Variants in CCDC148 observed in about 807,000 individuals in gnomAD.
The protein encoded by CCDC148 is coiled-coil domain-containing protein 148.
Under a neutral mutation model 85.7 loss-of-function variants are expected in CCDC148, and 89 were observed. That is an observed-to-expected ratio of 1.04 (90% CI 0.87 to 1.24). The LOEUF (loss-of-function observed/expected upper bound fraction) is 1.24. Ranked by LOEUF, CCDC148 falls within the 50% of genes most tolerant of loss-of-function variation. The pLI, the probability that CCDC148 is intolerant of heterozygous loss-of-function variation, is 0.00. For synonymous variants in CCDC148, 230 were observed against 213.9 expected, an observed-to-expected ratio of 1.08 and a Z score of -0.66; for missense variants, 692 against 671.7, an observed-to-expected ratio of 1.03 and a Z score of -0.33.
chr2:158,213,491 T>G (rs1459233586), intron 11 of CCDC148, among the ~76,000 whole-genome samples: 1 of 152,224 alleles, frequency 6.6e-6, no homozygotes, highest in Non-Finnish European at 1.5e-5. Flanking sequence ...GGAATAAGAT[T>G]GTTAACTACA....
intron 10 of CCDC148, among the ~76,000 whole-genome samples, chr2:158,245,943 T>G (rs1688553300): frequency 6.6e-6 from 1 of 152,160 alleles, no homozygotes; most frequent in African/African-American, 2.4e-5. Flanking sequence ...ACTGTAACTA[T>G]TATATTCAAC....
chr2:158,312,578 C>CAAAAAAAAAAAAAAA (rs61545122), intron 8 of CCDC148, among the ~76,000 whole-genome samples: 1 of 76,118 alleles, frequency 1.3e-5, no homozygotes, highest in Non-Finnish European at 2.3e-5. Context: ...GAATCCATCT[C>CAAAAAAAAAAAAAAA]AAAAAAAAAA....
At chr2:158,225,098 G>T (rs1423864202) in intron 10 of CCDC148, among the ~76,000 whole-genome samples, 2 of 152,164 alleles carry the variant, frequency 1.3e-5, no homozygotes, top group Non-Finnish European at 1.5e-5. Context: ...AAAATAAAGG[G>T]ATGGAGGAAG....
intron 1 of CCDC148, among the ~76,000 whole-genome samples, chr2:158,443,166 CA>C (rs1269270051): frequency 6.9e-6 from 1 of 145,170 alleles, no homozygotes; most frequent in East Asian, 2.0e-4. Flanking sequence ...ATATCTTGAA[CA>C]AAAAAAAACA....
intron 9 of CCDC148, among the ~76,000 whole-genome samples, chr2:158,282,080 C>A (rs528760981): frequency 1.3e-5 from 2 of 151,418 alleles, no homozygotes; most frequent in African/African-American, 4.8e-5. Context: ...TTCAACAACG[C>A]TTCATGCTAA....
intron 10 of CCDC148, chr2:158,235,923 C>A (rs902068951): frequency 3.9e-5 from 6 of 152,238 alleles, no homozygotes; most frequent in African/African-American, 1.2e-4. Flanking sequence ...CAAGGAGCTG[C>A]AGAAACAACT....
chr2:158,233,469 A>G (rs893851688), intron 10 of CCDC148, among the ~76,000 whole-genome samples: 1 of 151,276 alleles, frequency 6.6e-6, no homozygotes, highest in Non-Finnish European at 1.5e-5. Flanking sequence ...AGCATGCCTT[A>G]TACTATCATG....
In CCDC148 at chr2:158,318,715, A is replaced by G. The variant is rs151228323; in HGVS notation, c.765-4821T>C. Among the ~76,000 whole-genome samples the G allele has an allele frequency of 4.6e-3, 698 of 152,134 alleles. 1 individual carries two copies. Among genetic ancestry groups the G allele is most frequent in the African/African-American group, 0.015 (636 of 41,500 alleles). ...CTCTTTGTCTCTGAAACATCCATCC[A>G]GCAGTAGTTTTCTAGTGGAAGTTTT... On this transcript the variant is annotated intron_variant, in intron 7 of 13. Transcript: ENST00000283233.
At chr2:158,314,631 G>A (rs1019370026) in intron 7 of CCDC148, among the ~76,000 whole-genome samples, 9 of 152,190 alleles carry the variant, frequency 5.9e-5, no homozygotes, top group African/African-American at 2.2e-4. Flanking sequence ...CTTGTGCAGA[G>A]TGAAAAGTTT....
intron 10 of CCDC148, among the ~76,000 whole-genome samples, chr2:158,238,635 A>C (rs989403430): frequency 6.6e-6 from 1 of 152,186 alleles, no homozygotes; most frequent in African/African-American, 2.4e-5. Flanking sequence ...AGAGGGAAGA[A>C]TCTTGAAAGA....
chr2:158,340,307 G>C lies in CCDC148; in HGVS notation c.421C>G (p.Gln141Glu). 6.2e-7 allele frequency: 1 copy of C among 1,613,864 alleles called. No individual in the cohort carries two copies. Among genetic ancestry groups the C allele is most frequent in the South Asian group, 1.1e-5 (1 of 91,066 alleles). The change falls in exon 5 of 14, where the codon CAG (glutamine) becomes GAG (glutamate). Residue 141 changes from glutamine to glutamate, a missense_variant. Transcript: ENST00000283233. ...TGTGAATGCTGCAAAGTGTGATGCT[G>C]TCTGTATTTTAGATCTGCTCTCAGC... ...QQLRADLKYR[Q>E]HHTLQHSHPH...
chr2:158,374,415 A>G (rs922815002), intron 1 of CCDC148, among the ~76,000 whole-genome samples: 2 of 152,056 alleles, frequency 1.3e-5, no homozygotes, highest in African/African-American at 4.8e-5. Flanking sequence ...TACCTCCAAC[A>G]TATATTATTG....
intron 9 of CCDC148, among the ~76,000 whole-genome samples, chr2:158,263,265 T>G (rs930658405): frequency 6.6e-6 from 1 of 152,086 alleles, no homozygotes; most frequent in African/African-American, 2.4e-5. Flanking sequence ...GGCTTATGTA[T>G]GTGTATAATT....
At position 158,172,091 on chromosome 2, in the gene CCDC148, A is replaced by G. The variant is rs2105253837; in HGVS notation, c.*22T>C. On this transcript the variant is annotated 3_prime_UTR_variant, in exon 14 of 14. Transcript: ENST00000283233. ...GTTTTCAAAGAAAAATGCTCTTTACATATAGAATTTGAGGATGAGCTCTAT... is the reference window on the plus strand; with the variant it reads ...GTTTTCAAAGAAAAATGCTCTTTACGTATAGAATTTGAGGATGAGCTCTAT... 6.5e-7 allele frequency: 1 copy of G among 1,543,678 alleles called. No individual in the cohort carries two copies.
intron 1 of CCDC148, among the ~76,000 whole-genome samples, chr2:158,369,500 T>C (rs963674513): frequency 4.6e-5 from 7 of 152,100 alleles, no homozygotes; most frequent in Admixed American, 4.6e-4. Context: ...TAGGAATGCT[T>C]GTAATTTTGC....
At chr2:158,233,418 C>G (rs75969436) in intron 10 of CCDC148, among the ~76,000 whole-genome samples, 2,848 of 151,546 alleles carry the variant, frequency 0.019, 35 homozygotes, top group East Asian at 0.068. Flanking sequence ...TATTTTGCCA[C>G]ATAGTTTTTA....
intron 7 of CCDC148, 124 bp from the exon 8 acceptor site, chr2:158,314,018 T>C (rs1692167136): frequency 4.8e-6 from 4 of 834,732 alleles, no homozygotes; most frequent in South Asian, 4.6e-5. Context: ...GTATTTTAAA[T>C]ACATTAGCCA....
intron 7 of CCDC148, among the ~76,000 whole-genome samples, chr2:158,319,497 T>C (rs996677417): frequency 3.3e-5 from 5 of 152,196 alleles, no homozygotes; most frequent in African/African-American, 1.2e-4. Context: ...CTGGACATTG[T>C]TATGCAGAAC....
At chr2:158,258,628 C>T (rs1167798536) in intron 9 of CCDC148, among the ~76,000 whole-genome samples, 1 of 151,794 alleles carries the variant, frequency 6.6e-6, no homozygotes, top group African/African-American at 2.4e-5. Context: ...GTCCCTGACA[C>T]TCCATGTATC....
Sources: allele counts gnomAD v4.1 joint callset (sites outside exome capture counted in the v4.1 genomes callset), GRCh38; gene constraint gnomAD v4.1.1; transcripts MANE v1.5; gene names NCBI Gene and HGNC (gene_info 2026-07-23, HGNC 2026-07-21).